The following BORCS5 variants were observed in gnomAD, a reference collection of about 807,000 sequenced individuals.
BORCS5 encodes the protein BLOC-1 related complex subunit 5.
In BORCS5, 17 loss-of-function variants were observed where a neutral mutation model predicts 22.1. The ratio of observed to expected loss-of-function variants is 0.77; its 90% CI spans 0.53 to 1.15. The LOEUF (loss-of-function observed/expected upper bound fraction) is 1.15. Ranked by LOEUF, BORCS5 falls within the 50% of genes most tolerant of loss-of-function variation. The pLI is 0.00. For missense variants in BORCS5, 247 were observed against 253.2 expected, an observed-to-expected ratio of 0.98 and a Z score of 0.17; for synonymous variants, 117 against 99.8, an observed-to-expected ratio of 1.17 and a Z score of -1.03.
intron 2 of BORCS5, among the ~76,000 whole-genome samples, chr12:12,374,962 A>AG (rs966907357): frequency 2.6e-5 from 4 of 152,054 alleles, no homozygotes; most frequent in Admixed American, 1.3e-4. Context: ...CAAAAAAAAA[A>AG]AAAAAAATTA....
At chr12:12,368,994 A>G (rs796678052) in intron 2 of BORCS5, among the ~76,000 whole-genome samples, 16 of 152,222 alleles carry the variant, frequency 1.1e-4, no homozygotes, top group African/African-American at 2.6e-4. Context: ...GTGTGTGCAT[A>G]TTGATTTATT....
intron 2 of BORCS5, among the ~76,000 whole-genome samples, chr12:12,376,604 T>A (rs1592064748): frequency 6.6e-6 from 1 of 152,258 alleles, no homozygotes; most frequent in East Asian, 1.9e-4. Context: ...TTTCAGTAAA[T>A]CTTATGTTAT....
intron 3 of BORCS5, among the ~76,000 whole-genome samples, chr12:12,451,163 ATTC>A (rs1330466609): frequency 6.8e-6 from 1 of 147,094 alleles, no homozygotes; most frequent in African/African-American, 2.5e-5. Context: ...GCAAGAATTT[ATTC>A]TTTTTTTTTT....
At chr12:12,416,111 G>C (rs1941944412) in intron 2 of BORCS5, among the ~76,000 whole-genome samples, 1 of 152,052 alleles carries the variant, frequency 6.6e-6, no homozygotes, top group Admixed American at 6.5e-5. Context: ...ATTTATTGCT[G>C]TACAATTACT....
chr12:12,371,438 C>G (rs557113776), intron 2 of BORCS5, among the ~76,000 whole-genome samples: 2 of 152,202 alleles, frequency 1.3e-5, no homozygotes, highest in African/African-American at 4.8e-5. Context: ...GACTACTCTG[C>G]GTGCCACCAC....
chr12:12,373,350 A>G (rs1200131450), intron 2 of BORCS5, among the ~76,000 whole-genome samples: 1 of 152,232 alleles, frequency 6.6e-6, no homozygotes, highest in East Asian at 1.9e-4. Flanking sequence ...GCCTGTACCG[A>G]CCAAGACACC....
intron 2 of BORCS5, among the ~76,000 whole-genome samples, chr12:12,430,865 A>G (rs1487617811): frequency 6.6e-5 from 10 of 152,258 alleles, no homozygotes; most frequent in Non-Finnish European, 1.3e-4. Context: ...TAAAAATTTT[A>G]TCTTATGGAG....
chr12:12,445,735 G>A (rs1034133934), intron 3 of BORCS5, among the ~76,000 whole-genome samples: 2 of 150,884 alleles, frequency 1.3e-5, no homozygotes, highest in African/African-American at 4.9e-5. Flanking sequence ...CTAGGCTCAA[G>A]TGATCCTCCT....
At chr12:12,422,133 A>G (rs7969252) in intron 2 of BORCS5, among the ~76,000 whole-genome samples, 94,453 of 151,794 alleles carry the variant, frequency 0.62, 30,554 homozygotes, top group African/African-American at 0.79. Flanking sequence ...TAATTGTGAT[A>G]TTAGGGTGTC....
chr12:12,371,716 C>T (rs996237278), intron 2 of BORCS5, among the ~76,000 whole-genome samples: 40 of 151,922 alleles, frequency 2.6e-4, no homozygotes, highest in African/African-American at 9.4e-4. Context: ...TTTTTCTGCT[C>T]CCCCCACCTG....
intron 2 of BORCS5, among the ~76,000 whole-genome samples, chr12:12,381,592 A>G (rs1285993281): frequency 1.3e-5 from 2 of 151,410 alleles, no homozygotes; most frequent in Non-Finnish European, 3.0e-5. Flanking sequence ...TTGGTGTTGT[A>G]TCTAAAAAGT....
Position 12,357,201 on chromosome 12 carries a change from G to C in BORCS5, c.-251G>C. Reference sequence around the variant, plus strand: ...CCGGTTCTCTTAGGGCTCCCGGAAAGAAGGAGGGCTAGCCGCGTGCGTTCG... The same window carrying C: ...CCGGTTCTCTTAGGGCTCCCGGAAACAAGGAGGGCTAGCCGCGTGCGTTCG... On this transcript the variant is annotated 5_prime_UTR_variant, in exon 1 of 4. Coordinates refer to ENST00000314565, the MANE Select transcript of BORCS5 (RefSeq NM_058169.6). The C allele has an allele frequency of 6.6e-7, 1 of 1,510,248 alleles. No homozygotes were observed. Among genetic ancestry groups the C allele is most frequent in the Non-Finnish European group, 8.8e-7 (1 of 1,134,594 alleles). 93.6% of individuals were successfully genotyped at this position (1,510,248 alleles called of 1,614,324 possible).
At chr12:12,386,434 G>A (rs1396557887) in intron 2 of BORCS5, among the ~76,000 whole-genome samples, 2 of 147,570 alleles carry the variant, frequency 1.4e-5, no homozygotes, top group African/African-American at 5.0e-5. Context: ...GTGTGGTGGG[G>A]TTAAAGTCCA....
At chr12:12,449,302 G>A (rs1248089698) in intron 3 of BORCS5, among the ~76,000 whole-genome samples, 2 of 152,200 alleles carry the variant, frequency 1.3e-5, no homozygotes, top group East Asian at 1.9e-4. Flanking sequence ...GCCCTACACC[G>A]CTGTCTTTCA....
In BORCS5 at chr12:12,470,171, A is replaced by C. The variant is rs1385433084; in HGVS notation, c.*4395A>C. On this transcript the variant is annotated 3_prime_UTR_variant, in exon 4 of 4. Coordinates refer to ENST00000314565, the MANE Select transcript of BORCS5 (RefSeq NM_058169.6). Reference sequence around the variant, plus strand: ...CTGCAACCTCCGCCTCCCGGGTTCAAGCAGTTATACTGTCTCAGCCTCCCG... The same window carrying C: ...CTGCAACCTCCGCCTCCCGGGTTCACGCAGTTATACTGTCTCAGCCTCCCG... Among the ~76,000 whole-genome samples the C allele has an allele frequency of 6.6e-6, 1 of 152,182 alleles. No individual in the cohort carries two copies. The highest frequency in any genetic ancestry group is 1.5e-5 in the Non-Finnish European group (1 of 68,034).
At chr12:12,367,610 T>C (rs977631341) in intron 2 of BORCS5, among the ~76,000 whole-genome samples, 2 of 152,248 alleles carry the variant, frequency 1.3e-5, no homozygotes, top group Admixed American at 1.3e-4. Context: ...TTTACCAGCA[T>C]TGGGTTAGCC....
intron 2 of BORCS5, among the ~76,000 whole-genome samples, chr12:12,428,898 A>C (rs1480079796): frequency 6.6e-6 from 1 of 152,224 alleles, no homozygotes; most frequent in Non-Finnish European, 1.5e-5. Flanking sequence ...AAAAATCCTA[A>C]GTGTAAAAAA....
chr12:12,369,876 C>T (rs1048479052), intron 2 of BORCS5, among the ~76,000 whole-genome samples: 4 of 151,588 alleles, frequency 2.6e-5, no homozygotes, highest in Admixed American at 1.3e-4. Flanking sequence ...AGGTGTGCGT[C>T]ACCATGCCTG....
chr12:12,453,453 GC>G (rs1426256995), intron 3 of BORCS5, among the ~76,000 whole-genome samples: 1 of 152,076 alleles, frequency 6.6e-6, no homozygotes, highest in African/African-American at 2.4e-5. Flanking sequence ...GTTTTACTTA[GC>G]CTCAACAATT....
Sources: gnomAD v4.1 joint callset for allele counts (sites outside exome capture counted in the v4.1 genomes callset) on GRCh38, gnomAD v4.1.1 for gene constraint, MANE v1.5 for transcripts, NCBI Gene and HGNC (gene_info 2026-07-23, HGNC 2026-07-21) for gene names.